PCDHB12: variants seen among roughly 807,000 people sequenced by gnomAD.
PCDHB12 encodes protocadherin beta 12.
For missense variants in PCDHB12, 1,192 were observed against 998.2 expected, an observed-to-expected ratio of 1.19 and a Z score of -2.62; for synonymous variants, 560 against 445.2, an observed-to-expected ratio of 1.26 and a Z score of -3.24.
At position 141,211,031 on chromosome 5, in the gene PCDHB12, C is replaced by T. The variant is rs1398572674; in HGVS notation, c.2124C>T (p.Phe708=). The T allele has an allele frequency of 6.2e-6, 10 of 1,612,506 alleles. No individual in the cohort carries two copies. The highest frequency in any genetic ancestry group is 8.5e-6 in the Non-Finnish European group (10 of 1,179,980). The stretch of plus-strand genomic sequence containing the variant: ...TCTTCCTCTTCTCGGTGCTCCTGTT[C>T]GTGGCGGTGCGGCTGTGCAGGAGGA... ...SSLFLFSVLL[F]VAVRLCRRSR... is the part of the protein sequence containing the mutation. The change falls in exon 1 of 1, where the codon TTC becomes TTT. Residue 708 remains phenylalanine (F), a synonymous_variant. Coordinates refer to ENST00000239450, the MANE Select transcript of PCDHB12 (RefSeq NM_018932.4).
Position 141,210,949 on chromosome 5 carries a change from C to G in PCDHB12, c.2042C>G (p.Ala681Gly). Residue 681 changes from alanine to glycine, a missense_variant, in exon 1 of 1, where the codon GCC becomes GGC. Transcript: ENST00000239450. ...LPLPEAAPAQ[A>G]QADSLTVYLV... ...CTCCCGGAGGCGGCCCCGGCCCAGG[C>G]CCAGGCCGACTCGCTCACTGTCTAC... The G allele has an allele frequency of 6.2e-7, 1 of 1,611,648 alleles. No individual in the cohort carries two copies. The highest frequency in any genetic ancestry group is 2.2e-5 in the East Asian group (1 of 44,854).
In PCDHB12 at chr5:141,211,055, G is replaced by T. The variant is rs1554287131; in HGVS notation, c.2148G>T (p.Arg716Ser). The change falls in exon 1 of 1, where the codon AGG becomes AGT. Residue 716 changes from arginine to serine, a missense_variant. Transcript: ENST00000239450. ...TCGTGGCGGTGCGGCTGTGCAGGAG[G>T]AGCAGGGCGGCCCCGGTCGGTCGCT... is the stretch of plus-strand genomic sequence containing the variant. ...LLFVAVRLCRRSRAAPVGRCS... is the reference protein window; with the variant it reads ...LLFVAVRLCRSSRAAPVGRCS... The T allele has an allele frequency of 6.2e-7, 1 of 1,613,132 alleles. No individual in the cohort carries two copies.
chr5:141,211,551 G>T lies in PCDHB12; in HGVS notation c.*256G>T. 2.0e-6 allele frequency: 1 copy of T among 505,572 alleles called. No homozygotes were observed. Among genetic ancestry groups the T allele is most frequent in the Non-Finnish European group, 3.6e-6 (1 of 277,596 alleles). 31.3% of individuals were successfully genotyped at this position (505,572 alleles called of 1,614,324 possible). On this transcript the variant is annotated 3_prime_UTR_variant, in exon 1 of 1. Coordinates refer to ENST00000239450, the MANE Select transcript of PCDHB12 (RefSeq NM_018932.4). ...CTATTAAGTGGTAAGTCTTGTTTGA[G>T]ATATTTTAAATTGCTTTCCATTGTT...
At position 141,208,863 on chromosome 5, in the gene PCDHB12, T is replaced by C. The variant is rs373483638; in HGVS notation, c.-45T>C. The C allele has an allele frequency of 4.9e-5, 74 of 1,495,688 alleles. No individual in the cohort carries two copies. Among genetic ancestry groups the C allele is most frequent in the Non-Finnish European group, 6.1e-5 (68 of 1,119,738 alleles). The allele number at this position is 1,495,688 out of a possible 1,614,324, so 92.7% of individuals were successfully genotyped here. On this transcript the variant is annotated 5_prime_UTR_variant, in exon 1 of 1. Coordinates refer to ENST00000239450, the MANE Select transcript of PCDHB12 (RefSeq NM_018932.4). ...GTTTCCCACAACTGCGAAGAGGCGC[T>C]GAGGCAATTCTGCAAGAAGATTTTG...
chr5:141,211,179 G>T lies in PCDHB12; in HGVS notation c.2272G>T (p.Gly758Cys), dbSNP rs554175660. Residue 758 changes from glycine (G) to cysteine (C), a missense_variant, in exon 1 of 1, where the codon GGC becomes TGC. Physicochemically the swap from Gly to Cys is radical, Grantham distance 159. Coordinates refer to ENST00000239450, the MANE Select transcript of PCDHB12 (RefSeq NM_018932.4). ...CCACTATGAGGTGTGTGTGACTGGA[G>T]GCTCCAGGTCAAATAAGTTCAAATT... ...SYHYEVCVTGGSRSNKFKFLK... is the reference protein window; with the variant it reads ...SYHYEVCVTGCSRSNKFKFLK... 2 of 1,614,180 alleles carry T rather than the reference G, an allele frequency of 1.2e-6. No homozygotes were observed. The highest frequency in any genetic ancestry group is 2.2e-5 in the South Asian group (2 of 91,080).
Position 141,210,464 on chromosome 5 carries a change from G to A in PCDHB12, c.1557G>A (p.Leu519=). ...DNGHLFALRS[L]DYEALQGFQF... ...GCCACCTGTTTGCCCTCAGGTCGCT[G>A]GACTACGAGGCCCTGCAGGGGTTCC... Residue 519 remains leucine, a synonymous_variant, in exon 1 of 1, where the codon CTG becomes CTA. Transcript: ENST00000239450. 6.2e-7 allele frequency: 1 copy of A among 1,612,896 alleles called. No individual in the cohort carries two copies. Among genetic ancestry groups the A allele is most frequent in the African/African-American group, 1.3e-5 (1 of 75,038 alleles).
In PCDHB12 at chr5:141,211,005, C is replaced by T. The variant is rs1554287109; in HGVS notation, c.2098C>T (p.Leu700Phe). Residue 700 changes from leucine (L) to phenylalanine (F), a missense_variant, in exon 1 of 1, where the codon CTC (leucine) becomes TTC (phenylalanine). Transcript: ENST00000239450. ...GGTGGCGTTGGCCTCAGTGTCGTCG[C>T]TCTTCCTCTTCTCGGTGCTCCTGTT... ...LVVALASVSSLFLFSVLLFVA... is the reference protein window; with the variant it reads ...LVVALASVSSFFLFSVLLFVA... 1.9e-6 allele frequency: 3 copies of T among 1,611,720 alleles called. No individual in the cohort carries two copies. Among genetic ancestry groups the T allele is most frequent in the East Asian group, 2.2e-5 (1 of 44,868 alleles).
In PCDHB12 at chr5:141,210,847, A is replaced by G; in HGVS notation, c.1940A>G (p.Asn647Ser). 4 of 1,602,570 alleles carry G rather than the reference A, an allele frequency of 2.5e-6. No individual in the cohort carries two copies. Among genetic ancestry groups the G allele is most frequent in the Non-Finnish European group, 3.4e-6 (4 of 1,179,074 alleles). The change falls in exon 1 of 1, where the codon AAT becomes AGT. Residue 647 changes from asparagine to serine, a missense_variant. Physicochemically the swap from Asn to Ser is conservative, Grantham distance 46. Transcript: ENST00000239450. ...KHRLVVLVKD[N>S]GEPPRSATAT... Reference sequence around the variant, plus strand: ...AGGCTGGTGGTGCTGGTCAAGGACAATGGCGAGCCTCCGCGCTCGGCCACC... The same window carrying G: ...AGGCTGGTGGTGCTGGTCAAGGACAGTGGCGAGCCTCCGCGCTCGGCCACC...
Position 141,208,801 on chromosome 5 carries a change from C to T in PCDHB12, c.-107C>T, listed in dbSNP as rs2910326. ...AGCCATTCAACAAGGTTAAAATCTT[C>T]AGGCTTCCGAGGATTTGGTAGACAG... On this transcript the variant is annotated 5_prime_UTR_variant, in exon 1 of 1. Transcript: ENST00000239450. 355,937 of 983,920 alleles carry T rather than the reference C, an allele frequency of 0.36. 69,424 individuals are homozygous for T. Among genetic ancestry groups the T allele is most frequent in the African/African-American group, 0.67 (41,239 of 61,410 alleles). 60.9% of individuals were successfully genotyped at this position (983,920 alleles called of 1,614,324 possible).
Position 141,211,227 on chromosome 5 carries a change from TTCC to T in PCDHB12, c.2322_2324del (p.Phe774del), listed in dbSNP as rs1554287183. On this transcript the variant is annotated inframe_deletion, in exon 1 of 1. Coordinates refer to ENST00000239450, the MANE Select transcript of PCDHB12 (RefSeq NM_018932.4). ...ATTTCTGAAACCAATTATCCCCAAC[TTCC>T]TACCCCAGAGCACAGGTAGTGAAGT... 1.2e-6 allele frequency: 2 copies of T among 1,613,832 alleles called. No homozygotes were observed. The highest frequency in any genetic ancestry group is 1.7e-6 in the Non-Finnish European group (2 of 1,179,874).
Position 141,209,651 on chromosome 5 carries a change from G to A in PCDHB12, c.744G>A (p.Glu248=). The change falls in exon 1 of 1, where the codon GAG becomes GAA. Residue 248 remains glutamate, a synonymous_variant. Coordinates refer to ENST00000239450, the MANE Select transcript of PCDHB12 (RefSeq NM_018932.4). ...CTGAGTTTGAGCAGGCTTTTTATGA[G>A]GTGAAGATTCTGGAGAATAGCATCC... The part of the protein sequence containing the change: ...NSPEFEQAFY[E]VKILENSILG... The A allele has an allele frequency of 6.2e-7, 1 of 1,614,206 alleles. No homozygotes were observed. The highest frequency in any genetic ancestry group is 8.5e-7 in the Non-Finnish European group (1 of 1,180,034).
In PCDHB12 at chr5:141,210,264, C is replaced by G; in HGVS notation, c.1357C>G (p.Gln453Glu). The change falls in exon 1 of 1, where the codon CAA becomes GAA. Residue 453 changes from glutamine to glutamate, a missense_variant. Coordinates refer to ENST00000239450, the MANE Select transcript of PCDHB12 (RefSeq NM_018932.4). ...CAATGACAACGCCCCCGCCTTCACC[C>G]AAACTTCCTACGCCCTGTTCGTCCG... ...DVNDNAPAFT[Q>E]TSYALFVREN... is the part of the protein sequence containing the mutation. The G allele has an allele frequency of 6.2e-7, 1 of 1,614,132 alleles. No homozygotes were observed. Among genetic ancestry groups the G allele is most frequent in the South Asian group, 1.1e-5 (1 of 91,074 alleles).
rs181996305 is a variant in PCDHB12, at chr5:141,211,692, A to T, written c.*397A>T. 975 of 225,460 alleles carry T rather than the reference A, an allele frequency of 4.3e-3. 12 individuals carry two copies. Among genetic ancestry groups the T allele is most frequent in the African/African-American group, 0.022 (924 of 42,234 alleles). 14.0% of individuals were successfully genotyped at this position (225,460 alleles called of 1,614,324 possible). A position where few individuals can be genotyped will look rare whatever the true frequency, so the allele number is the denominator to read the frequency against. The stretch of plus-strand genomic sequence containing the variant: ...TACCTTTTTAAACTTTATTTTTTTA[A>T]AAAAAGTTGTTTTATGAATCATACA... On this transcript the variant is annotated 3_prime_UTR_variant, in exon 1 of 1. Coordinates refer to ENST00000239450, the MANE Select transcript of PCDHB12 (RefSeq NM_018932.4).
rs1754478636 is a variant in PCDHB12, at chr5:141,212,329, T to C, written c.*1034T>C. The C allele has an allele frequency of 6.4e-6, 1 of 156,204 alleles. No individual in the cohort carries two copies. The highest frequency in any genetic ancestry group is 6.5e-5 in the Admixed American group (1 of 15,280). 9.7% of individuals were successfully genotyped at this position (156,204 alleles called of 1,614,324 possible). A position where few individuals can be genotyped will look rare whatever the true frequency, so the allele number is the denominator to read the frequency against. Reference sequence around the variant, plus strand: ...AGAGTTTGTTTTTAGCAGTTTTTCTTACCTATACTGCACTGCTGAATCAGG... The same window carrying C: ...AGAGTTTGTTTTTAGCAGTTTTTCTCACCTATACTGCACTGCTGAATCAGG... On this transcript the variant is annotated 3_prime_UTR_variant, in exon 1 of 1. Coordinates refer to ENST00000239450, the MANE Select transcript of PCDHB12 (RefSeq NM_018932.4).
In PCDHB12 at chr5:141,209,915, G is replaced by T. The variant is rs148323419; in HGVS notation, c.1008G>T (p.Gln336His). 2 of 1,614,168 alleles carry T rather than the reference G, an allele frequency of 1.2e-6. No homozygotes were observed. ...TTGGAAAATCTACAGTCAGAATTCA[G>T]GTGATGGATGTAAACGACAACGCTC... is the stretch of plus-strand genomic sequence containing the variant. Reference protein sequence around the residue: ...GLFGKSTVRIQVMDVNDNAPE... With the variant: ...GLFGKSTVRIHVMDVNDNAPE... Residue 336 changes from glutamine to histidine, a missense_variant, in exon 1 of 1, where the codon CAG becomes CAT. Gln to His is a conservative substitution (Grantham distance 24). Coordinates refer to ENST00000239450, the MANE Select transcript of PCDHB12 (RefSeq NM_018932.4).
In PCDHB12 at chr5:141,209,581, C is replaced by G; in HGVS notation, c.674C>G (p.Thr225Ser). ...GGCGGGTCCCCTCCCAGGTCTGGAA[C>G]TGCCTTGGTCAGGGTGGTGGTTGTA... is the stretch of plus-strand genomic sequence containing the variant. ...LDGGSPPRSG[T>S]ALVRVVVVDI... is the part of the protein sequence containing the mutation. Residue 225 changes from threonine (T) to serine (S), a missense_variant, in exon 1 of 1, where the codon ACT becomes AGT. By Grantham distance (58) the Thr-to-Ser change is moderately conservative (BLOSUM62 1). Coordinates refer to ENST00000239450, the MANE Select transcript of PCDHB12 (RefSeq NM_018932.4). The G allele has an allele frequency of 6.2e-7, 1 of 1,614,196 alleles. No homozygotes were observed. Among genetic ancestry groups the G allele is most frequent in the Non-Finnish European group, 8.5e-7 (1 of 1,180,040 alleles).
Position 141,210,932 on chromosome 5 carries a change from G to A in PCDHB12, c.2025G>A (p.Glu675=). Residue 675 remains glutamate (E), a synonymous_variant, in exon 1 of 1, where the codon GAG becomes GAA. Coordinates refer to ENST00000239450, the MANE Select transcript of PCDHB12 (RefSeq NM_018932.4). ...GFSQPYLPLP[E]AAPAQAQADS... ...CCCAGCCCTACCTGCCTCTCCCGGA[G>A]GCGGCCCCGGCCCAGGCCCAGGCCG... The A allele has an allele frequency of 6.2e-7, 1 of 1,611,188 alleles. No individual in the cohort carries two copies. Among genetic ancestry groups the A allele is most frequent in the East Asian group, 2.2e-5 (1 of 44,852 alleles).
Position 141,210,544 on chromosome 5 carries a change from T to A in PCDHB12, c.1637T>A (p.Leu546Gln). Residue 546 changes from leucine (L) to glutamine (Q), a missense_variant, in exon 1 of 1, where the codon CTG (leucine) becomes CAG (glutamine). By Grantham distance (113) the Leu-to-Gln change is moderately radical. Transcript: ENST00000239450. ...TCCCCGGCTTTGAGCAGCGAGGCGC[T>A]GGTGCGCGTGCTGGTGCTGGACGCC... ...HGSPALSSEALVRVLVLDAND... is the reference protein window; with the variant it reads ...HGSPALSSEAQVRVLVLDAND... The A allele has an allele frequency of 6.2e-7, 1 of 1,611,754 alleles. No homozygotes were observed. The highest frequency in any genetic ancestry group is 8.5e-7 in the Non-Finnish European group (1 of 1,179,736).
chr5:141,210,860 G>A lies in PCDHB12; in HGVS notation c.1953G>A (p.Pro651=), dbSNP rs540092611. ...TGGTCAAGGACAATGGCGAGCCTCC[G>A]CGCTCGGCCACCGCCACGCTGCACG... ...VVLVKDNGEP[P]RSATATLHVL... is the part of the protein sequence containing the mutation. Residue 651 remains proline (P), a synonymous_variant, in exon 1 of 1, where the codon CCG becomes CCA. Transcript: ENST00000239450. 2.5e-6 allele frequency: 4 copies of A among 1,603,496 alleles called. No homozygotes were observed. Among genetic ancestry groups the A allele is most frequent in the South Asian group, 1.1e-5 (1 of 90,890 alleles).
Sources: allele counts gnomAD v4.1 joint callset, GRCh38; gene constraint gnomAD v4.1.1; transcripts MANE v1.5; gene names NCBI Gene and HGNC (gene_info 2026-07-23, HGNC 2026-07-21).